FOXP2: variants seen among roughly 807,000 people sequenced by gnomAD.
FOXP2 encodes the protein forkhead box P2, also known as forkhead box protein P2.
FOXP2 carries 12 observed loss-of-function variants against 115.8 expected under a neutral mutation model. The observed-to-expected ratio is 0.10, with a 90% CI of 0.07 to 0.17. The LOEUF is 0.17. FOXP2 is among the 10% of genes least tolerant of loss of function. The probability of loss-of-function intolerance (pLI) is 1.00; values close to 1 mark genes in which losing one functional copy is unlikely to be tolerated. For missense variants in FOXP2, 629 were observed against 843.5 expected, an observed-to-expected ratio of 0.75 and a Z score of 3.15; for synonymous variants, 328 against 297.7, an observed-to-expected ratio of 1.10 and a Z score of -1.05.
intron 3 of FOXP2, among the ~76,000 whole-genome samples, chr7:114,603,026 C>T (rs1803116415): frequency 6.6e-6 from 1 of 152,146 alleles, no homozygotes; most frequent in South Asian, 2.1e-4. Context: ...ATTCTGGTGT[C>T]ACTGTGGCGT....
intron 2 of FOXP2, chr7:114,297,035 A>C: frequency 3.4e-6 from 1 of 293,222 alleles, no homozygotes; most frequent in Non-Finnish European, 6.7e-6. Context: ...CTTACTTTTT[A>C]GTTATATCCA....
chr7:114,094,719 T>G (rs762344316), intron 1 of FOXP2, among the ~76,000 whole-genome samples: 2 of 152,184 alleles, frequency 1.3e-5, no homozygotes, highest in South Asian at 2.1e-4. Flanking sequence ...TGGAGTGCAG[T>G]GCTGTGATCA....
At chr7:114,153,964 T>A (rs1270964180) in intron 1 of FOXP2, among the ~76,000 whole-genome samples, 1 of 152,102 alleles carries the variant, frequency 6.6e-6, no homozygotes, top group African/African-American at 2.4e-5. Flanking sequence ...AGGCAGCAGA[T>A]GGAAGCATGG....
rs534321472 is a variant in FOXP2, at chr7:114,659,256, C to A, written c.1469-100C>A. The A allele has an allele frequency of 4.6e-6, 4 of 876,020 alleles. No individual in the cohort carries two copies. In the African/African-American group the frequency reaches 6.8e-5, roughly 15 times the overall value. 54.3% of individuals were successfully genotyped at this position (876,020 alleles called of 1,614,324 possible). On this transcript the variant is annotated intron_variant, in intron 11 of 16. Transcript: ENST00000350908. ...TGTGCTTTCACTAGTCGGTGGCTTC[C>A]TCACTGAATCACTTTACCAATACTA...
chr7:114,194,773 A>G (rs998139501), intron 1 of FOXP2, among the ~76,000 whole-genome samples: 7 of 152,148 alleles, frequency 4.6e-5, no homozygotes, highest in African/African-American at 1.4e-4. Flanking sequence ...ACTTTGAGAA[A>G]TAAATATTTG....
intron 2 of FOXP2, among the ~76,000 whole-genome samples, chr7:114,444,664 C>A (rs1584743535): frequency 2.0e-5 from 3 of 152,118 alleles, no homozygotes; most frequent in Admixed American, 2.0e-4. Flanking sequence ...AAGTCCTAGA[C>A]TGAGAACAAG....
chr7:114,485,343 T>C (rs1226134241), intron 2 of FOXP2, among the ~76,000 whole-genome samples: 3 of 151,962 alleles, frequency 2.0e-5, no homozygotes, highest in Non-Finnish European at 4.4e-5. Context: ...AGAACTTCAG[T>C]GGTAGAATTT....
intron 5 of FOXP2, 21 bp downstream of exon 5, chr7:114,630,026 T>A (rs1563046131): frequency 2.5e-6 from 4 of 1,603,440 alleles, no homozygotes; most frequent in Non-Finnish European, 2.5e-6. Context: ...GTTATCTCAT[T>A]GATACATAAC....
intron 1 of FOXP2, among the ~76,000 whole-genome samples, chr7:114,145,581 G>A (rs550913622): frequency 3.2e-4 from 49 of 150,802 alleles, no homozygotes; most frequent in African/African-American, 1.1e-3. Context: ...TCCACCTCCC[G>A]GGTTCAACTG....
At chr7:114,455,019 T>C (rs985554719) in intron 2 of FOXP2, among the ~76,000 whole-genome samples, 1 of 145,438 alleles carries the variant, frequency 6.9e-6, no homozygotes, top group African/African-American at 2.5e-5. Context: ...TAAAGTATAA[T>C]AAAAAAAAAA....
intron 1 of FOXP2, among the ~76,000 whole-genome samples, chr7:114,171,971 T>C (rs1793154646): frequency 6.6e-6 from 1 of 152,092 alleles, no homozygotes; most frequent in Non-Finnish European, 1.5e-5. Flanking sequence ...GTGGTAGAAA[T>C]AGAAAGAGAA....
chr7:114,203,864 C>A lies in FOXP2; in HGVS notation c.-102+40776C>A, dbSNP rs117772433. Among the ~76,000 whole-genome samples, 506 of 152,166 alleles carry A rather than the reference C, an allele frequency of 3.3e-3. 1 individual carries two copies. Among genetic ancestry groups the A allele is most frequent in the Non-Finnish European group, 5.2e-3 (352 of 67,998 alleles). On this transcript the variant is annotated intron_variant, in intron 1 of 17. Coordinates refer to the FOXP2 transcript ENST00000634411. ...CATTTCTTAAGACACAGCTTAACAC[C>A]ATAAATAGAAAAACTACATTGAGGG...
Position 114,361,473 on chromosome 7 carries a change from GGA to G in FOXP2, c.-10-65028_-10-65027del, listed in dbSNP as rs777859521. 2.0e-5 allele frequency among the ~76,000 whole-genome samples: 3 copies of G among 152,120 alleles called. No individual in the cohort carries two copies. The East Asian group carries it at 5.8e-4, about 29-fold the overall frequency. ...AGTCAGAAAGAGACTATATTCTTTA[GGA>G]AAGGAGATTTCAAGTATAATTTGTT... On this transcript the variant is annotated intron_variant, in intron 2 of 17. Transcript: ENST00000634411.
intron 1 of FOXP2, among the ~76,000 whole-genome samples, chr7:114,221,883 C>T (rs2129163871): frequency 6.6e-6 from 1 of 152,260 alleles, no homozygotes; most frequent in South Asian, 2.1e-4. Flanking sequence ...TTGTTGAGTT[C>T]ATTCTTCATG....
In FOXP2 at chr7:114,642,810, A is replaced by ATTT. The variant is rs1277733394; in HGVS notation, c.989+188_989+189insTTT. Among the ~76,000 whole-genome samples, 78 of 75,742 alleles carry ATTT rather than the reference A, an allele frequency of 1.0e-3. 1 individual carries two copies. The highest frequency in any genetic ancestry group is 0.012 in the Middle Eastern group (1 of 82). 49.7% of individuals were successfully genotyped at this position (75,742 alleles called of 152,430 possible). On this transcript the variant is annotated intron_variant, in intron 7 of 16. Coordinates refer to ENST00000350908, the MANE Select transcript of FOXP2 (RefSeq NM_014491.4). ...TATATATATATATATATATATATAT[A>ATTT]TATTTTTTTTTTTTTTTAGGCAGAG... is the stretch of plus-strand genomic sequence containing the variant.
chr7:114,141,872 T>C (rs1287142644), intron 1 of FOXP2, among the ~76,000 whole-genome samples: 1 of 152,166 alleles, frequency 6.6e-6, no homozygotes, highest in East Asian at 1.9e-4. Context: ...TTAATAAAAT[T>C]TGCAAAGAAG....
At chr7:114,340,713 G>A (rs892230444) in intron 2 of FOXP2, among the ~76,000 whole-genome samples, 3 of 150,956 alleles carry the variant, frequency 2.0e-5, no homozygotes, top group African/African-American at 7.3e-5. Context: ...TTGGATATTT[G>A]TCACATTTAT....
chr7:114,430,427 T>C (rs575390192), intron 2 of FOXP2, among the ~76,000 whole-genome samples: 3 of 151,916 alleles, frequency 2.0e-5, no homozygotes, highest in African/African-American at 7.2e-5. Flanking sequence ...TGATTGATTA[T>C]AAATTATTAA....
chr7:114,408,698 A>G (rs1266290062), intron 2 of FOXP2, among the ~76,000 whole-genome samples: 1 of 152,050 alleles, frequency 6.6e-6, no homozygotes, highest in Non-Finnish European at 1.5e-5. Flanking sequence ...TTGCACTCCA[A>G]TCGGGGAGAC....
Sources: allele counts gnomAD v4.1 joint callset (sites outside exome capture counted in the v4.1 genomes callset), GRCh38; gene constraint gnomAD v4.1.1; transcripts MANE v1.5; gene names NCBI Gene and HGNC (gene_info 2026-07-23, HGNC 2026-07-21).